Variants in SAMD8 observed in about 807,000 individuals in gnomAD.
SAMD8 encodes sphingomyelin synthase-related protein 1.
SAMD8 carries 20 observed loss-of-function variants against 42.0 expected under a neutral mutation model. That is an observed-to-expected ratio of 0.48 (90% CI 0.34 to 0.69). The LOEUF (loss-of-function observed/expected upper bound fraction) is 0.69, where lower values mean the gene tolerates loss of function less well. SAMD8 is among the 30% of genes least tolerant of loss of function. SAMD8 has a pLI of 0.01. For synonymous variants in SAMD8, 162 were observed against 173.0 expected (o/e 0.94, Z 0.50); for missense variants, 328 against 511.6 (o/e 0.64, Z 3.46).
chr10:75,167,681 C>T (rs996559296), intron 3 of SAMD8, among the ~76,000 whole-genome samples: 28 of 152,200 alleles, frequency 1.8e-4, no homozygotes, highest in African/African-American at 6.5e-4. Context: ...CAGCCTCCAA[C>T]TCCCAGGCCC....
chr10:75,103,845 C>T, intron 1 of SAMD8: 2 of 1,254,924 alleles, frequency 1.6e-6, no homozygotes, highest in Non-Finnish European at 2.1e-6. Context: ...ACTTGGGGTC[C>T]CTGGCCAAGA....
At chr10:75,167,676 T>TC (rs946173363) in intron 3 of SAMD8, among the ~76,000 whole-genome samples, 1 of 152,212 alleles carries the variant, frequency 6.6e-6, no homozygotes, top group African/African-American at 2.4e-5. Context: ...TGCTGCAGCC[T>TC]CCAACTCCCA....
At chr10:75,157,088 G>A (rs755076446) in intron 2 of SAMD8, among the ~76,000 whole-genome samples, 2 of 152,148 alleles carry the variant, frequency 1.3e-5, no homozygotes, top group African/African-American at 2.4e-5. Context: ...GGTATGTATA[G>A]AAAGAATGAA....
At chr10:75,120,161 C>G (rs1319672040) in intron 1 of SAMD8, among the ~76,000 whole-genome samples, 1 of 152,228 alleles carries the variant, frequency 6.6e-6, no homozygotes, top group Non-Finnish European at 1.5e-5. Context: ...CTGTGTCTTT[C>G]TAGTTTTTAG....
At chr10:75,170,224 A>G (rs1023520655) in intron 4 of SAMD8, among the ~76,000 whole-genome samples, 8 of 152,218 alleles carry the variant, frequency 5.3e-5, no homozygotes, top group African/African-American at 1.9e-4. Context: ...CTACTTTTCT[A>G]GGCCTCTATG....
At chr10:75,112,483 A>G (rs564453998) in intron 1 of SAMD8, among the ~76,000 whole-genome samples, 16 of 152,338 alleles carry the variant, frequency 1.1e-4, no homozygotes, top group African/African-American at 3.8e-4. Flanking sequence ...GATCATTTTA[A>G]GAATCTTGGG....
At chr10:75,140,764 T>C (rs1192005796) in intron 1 of SAMD8, among the ~76,000 whole-genome samples, 1 of 152,206 alleles carries the variant, frequency 6.6e-6, no homozygotes, top group East Asian at 1.9e-4. Context: ...GTTTATGAAA[T>C]GTATCAATAT....
upstream of SAMD8, chr10:75,111,590 C>T (rs1355327516): frequency 1.3e-5 from 16 of 1,251,344 alleles, no homozygotes; most frequent in Non-Finnish European, 1.6e-5. Flanking sequence ...TCCACTCCGG[C>T]TCCCCGCCCC....
chr10:75,106,547 C>T (rs1848522194), intron 1 of SAMD8, among the ~76,000 whole-genome samples: 1 of 152,162 alleles, frequency 6.6e-6, no homozygotes, highest in Non-Finnish European at 1.5e-5. Flanking sequence ...TGCATATTAC[C>T]CATGGATACC....
intron 1 of SAMD8, among the ~76,000 whole-genome samples, chr10:75,147,263 GAA>G (rs1177256724): frequency 2.0e-5 from 3 of 152,206 alleles, no homozygotes; most frequent in Non-Finnish European, 4.4e-5. Context: ...AGCTGTTAGA[GAA>G]AGGGGAATGT....
chr10:75,118,062 A>G (rs1177105416), intron 1 of SAMD8, among the ~76,000 whole-genome samples: 2 of 152,222 alleles, frequency 1.3e-5, no homozygotes, highest in African/African-American at 2.4e-5. Context: ...GGTATATATG[A>G]CAACTTTTTT....
intron 1 of SAMD8, chr10:75,105,881 T>A (rs1185887321): frequency 4.5e-6 from 7 of 1,544,706 alleles, no homozygotes. Flanking sequence ...GAGGAAGACA[T>A]CCTGGTGAAA....
At chr10:75,155,244 A>G (rs1229410974) in intron 2 of SAMD8, among the ~76,000 whole-genome samples, 2 of 152,188 alleles carry the variant, frequency 1.3e-5, no homozygotes, top group Non-Finnish European at 2.9e-5. Flanking sequence ...TGCCATTTAC[A>G]GAGATGGGAA....
At chr10:75,163,946 C>T (rs1184461414) in intron 2 of SAMD8, among the ~76,000 whole-genome samples, 1 of 152,096 alleles carries the variant, frequency 6.6e-6, no homozygotes, top group Non-Finnish European at 1.5e-5. Flanking sequence ...GGGCCAGGCG[C>T]TGTGGCTCAC....
intron 1 of SAMD8, chr10:75,101,931 G>T (rs1033690427): frequency 3.7e-6 from 5 of 1,367,810 alleles, no homozygotes; most frequent in Non-Finnish European, 4.9e-6. Flanking sequence ...CTGGCTTTCA[G>T]CCGCCTGTCT....
chr10:75,111,511 G>T (rs1315592801), upstream of SAMD8: 1 of 1,229,414 alleles, frequency 8.1e-7, no homozygotes, highest in South Asian at 3.9e-5. Context: ...GTTCGGCTCC[G>T]AGCAGCTGCC....
chr10:75,106,101 CTT>C (rs767630456), intron 1 of SAMD8, among the ~76,000 whole-genome samples: 80 of 123,016 alleles, frequency 6.5e-4, no homozygotes, highest in African/African-American at 1.2e-3. Context: ...TCTTTCTTTT[CTT>C]TTTTTTTTTT....
chr10:75,135,817 C>T (rs1451916111), intron 1 of SAMD8, among the ~76,000 whole-genome samples: 1 of 151,158 alleles, frequency 6.6e-6, no homozygotes, highest in Non-Finnish European at 1.5e-5. Context: ...CAGGACAAGA[C>T]TCCGTCCGTA....
rs1350863450 is a variant in SAMD8, at chr10:75,176,262, C to T, written c.943+46C>T. ...TCTATGCGTATTAGGTAACTAGCTG[C>T]AGTGAAGGCTGTGGGAAGGGTGTCA... On this transcript the variant is annotated intron_variant, in intron 5 of 5. Transcript: ENST00000542569. This position sits in a 1 kb window ranked among gnomAD's most constrained non-coding sequence, Gnocchi z 4.3. 2 of 1,613,594 alleles carry T rather than the reference C, an allele frequency of 1.2e-6. No homozygotes were observed. Among genetic ancestry groups the T allele is most frequent in the Non-Finnish European group, 1.7e-6 (2 of 1,179,742 alleles).
Sources: gnomAD v4.1 joint callset for allele counts (sites outside exome capture counted in the v4.1 genomes callset) on GRCh38, gnomAD v4.1.1 for gene constraint, Gnocchi (gnomAD v3.1) non-coding constraint, MANE v1.5 for transcripts, NCBI Gene and HGNC (gene_info 2026-07-23, HGNC 2026-07-21) for gene names.